FGF12: variants seen among roughly 807,000 people sequenced by gnomAD.
The protein encoded by FGF12 is fibroblast growth factor 12, also known as fibroblast growth factor 12B.
A neutral mutation model predicts 23.6 loss-of-function variants in FGF12; 14 were observed. That is an observed-to-expected ratio of 0.59 (90% CI 0.39 to 0.93). FGF12 has a LOEUF of 0.93. Ranked by LOEUF, FGF12 falls within the 40% of genes least tolerant of loss-of-function variation. The pLI is 0.00. For synonymous variants in FGF12, 62 were observed against 77.3 expected (o/e 0.80, Z 1.04); for missense variants, 175 against 217.8 (o/e 0.80, Z 1.24).
At chr3:192,384,800 G>T (rs1359848105) in intron 2 of FGF12, among the ~76,000 whole-genome samples, 1 of 152,148 alleles carries the variant, frequency 6.6e-6, no homozygotes, top group Non-Finnish European at 1.5e-5. Flanking sequence ...CACATCCCAA[G>T]AATTGTACAG....
intron 4 of FGF12, among the ~76,000 whole-genome samples, chr3:192,231,625 C>G (rs1719025354): frequency 6.6e-6 from 1 of 151,858 alleles, no homozygotes; most frequent in African/African-American, 2.4e-5. Flanking sequence ...CAAAAATTAG[C>G]CAGGGGTGTT....
chr3:192,689,384 G>A (rs1169351059), intron 2 of FGF12, among the ~76,000 whole-genome samples: 1 of 152,010 alleles, frequency 6.6e-6, no homozygotes, highest in Non-Finnish European at 1.5e-5. Flanking sequence ...TTTAAAAGAA[G>A]TTCAGCAAAC....
intron 4 of FGF12, among the ~76,000 whole-genome samples, chr3:192,253,276 G>C (rs901633268): frequency 6.6e-6 from 1 of 152,104 alleles, no homozygotes; most frequent in African/African-American, 2.4e-5. Context: ...ATTGATGTTG[G>C]ATTTTTGCTC....
chr3:192,415,328 C>T (rs1383412466), intron 2 of FGF12, among the ~76,000 whole-genome samples: 1 of 152,044 alleles, frequency 6.6e-6, no homozygotes, highest in Non-Finnish European at 1.5e-5. Flanking sequence ...AATGTAATAC[C>T]CATAAGGACA....
chr3:192,455,704 T>TA (rs1722659868), intron 2 of FGF12, among the ~76,000 whole-genome samples: 1 of 152,238 alleles, frequency 6.6e-6, no homozygotes. Flanking sequence ...CTAATGCACT[T>TA]AGTCTTTACC....
intron 2 of FGF12, among the ~76,000 whole-genome samples, chr3:192,697,020 T>G (rs1718147073): frequency 6.6e-6 from 1 of 152,128 alleles, no homozygotes; most frequent in Admixed American, 6.5e-5. Context: ...CCTGAAGATC[T>G]GAACTTCTTT....
intron 2 of FGF12, among the ~76,000 whole-genome samples, chr3:192,541,121 A>T (rs1363045868): frequency 6.6e-6 from 1 of 152,060 alleles, no homozygotes; most frequent in Non-Finnish European, 1.5e-5. Flanking sequence ...GTCCATTTAC[A>T]TTCAAGTTGT....
chr3:192,534,109 G>A (rs1358202075), intron 2 of FGF12: 2 of 179,588 alleles, frequency 1.1e-5, no homozygotes, highest in Non-Finnish European at 2.5e-5. Flanking sequence ...AACTACAAAA[G>A]GATCAGGTTT....
intron 2 of FGF12, among the ~76,000 whole-genome samples, chr3:192,671,157 T>G (rs750153739): frequency 6.6e-6 from 1 of 152,214 alleles, no homozygotes; most frequent in Non-Finnish European, 1.5e-5. Flanking sequence ...AGGTTATGAA[T>G]GTTTTTACAT....
At chr3:192,194,729 T>C (rs1362612877) in intron 4 of FGF12, among the ~76,000 whole-genome samples, 1 of 152,194 alleles carries the variant, frequency 6.6e-6, no homozygotes, top group African/African-American at 2.4e-5. Context: ...CTTTGAAACA[T>C]TGTGGAGTCT....
chr3:192,287,466 T>C (rs982370201), intron 4 of FGF12, among the ~76,000 whole-genome samples: 4 of 152,060 alleles, frequency 2.6e-5, no homozygotes, highest in Admixed American at 2.0e-4. Flanking sequence ...TTTTAATGTG[T>C]TTAGCTATCT....
At chr3:192,188,779 C>T (rs1158601695) in intron 4 of FGF12, among the ~76,000 whole-genome samples, 2 of 152,148 alleles carry the variant, frequency 1.3e-5, no homozygotes, top group Non-Finnish European at 2.9e-5. Context: ...ACTTATTTCA[C>T]AAGTCTGTTA....
At chr3:192,405,710 T>C (rs1358614402) in intron 2 of FGF12, among the ~76,000 whole-genome samples, 1 of 152,204 alleles carries the variant, frequency 6.6e-6, no homozygotes, top group African/African-American at 2.4e-5. Context: ...CAACTAAAGA[T>C]TCTTCTCTGG....
At chr3:192,450,605 AG>A (rs1722495212) in intron 2 of FGF12, among the ~76,000 whole-genome samples, 1 of 152,200 alleles carries the variant, frequency 6.6e-6, no homozygotes, top group South Asian at 2.1e-4. Flanking sequence ...CTGAACAAAA[AG>A]ATGCTTTACT....
chr3:192,422,093 GA>G (rs1324043828), intron 2 of FGF12, among the ~76,000 whole-genome samples: 1 of 151,454 alleles, frequency 6.6e-6, no homozygotes, highest in Non-Finnish European at 1.5e-5. Flanking sequence ...ATATAGATAA[GA>G]AATCTTAGAT....
At chr3:192,443,917 G>C (rs1463254881) in intron 2 of FGF12, among the ~76,000 whole-genome samples, 2 of 152,180 alleles carry the variant, frequency 1.3e-5, no homozygotes, top group African/African-American at 4.8e-5. Context: ...GAGTGGCTGA[G>C]AAGCACTGGC....
chr3:192,670,309 G>C (rs1337081693), intron 2 of FGF12, among the ~76,000 whole-genome samples: 1 of 151,686 alleles, frequency 6.6e-6, no homozygotes, highest in Non-Finnish European at 1.5e-5. Flanking sequence ...AATAATTTTA[G>C]TTACTTATTT....
At chr3:192,665,228 C>G (rs1380649222) in intron 2 of FGF12, among the ~76,000 whole-genome samples, 1 of 152,012 alleles carries the variant, frequency 6.6e-6, no homozygotes, top group East Asian at 1.9e-4. Flanking sequence ...CACAGTTGCT[C>G]TTTATAGACT....
At chr3:192,576,564 C>T (rs1712896275) in intron 2 of FGF12, among the ~76,000 whole-genome samples, 2 of 152,256 alleles carry the variant, frequency 1.3e-5, no homozygotes, top group South Asian at 4.1e-4. Context: ...TACCTGCATG[C>T]TATGGCCTCT....
Sources: gnomAD v4.1 joint callset for allele counts (sites outside exome capture counted in the v4.1 genomes callset) on GRCh38, gnomAD v4.1.1 for gene constraint, MANE v1.5 for transcripts, NCBI Gene and HGNC (gene_info 2026-07-23, HGNC 2026-07-21) for gene names.